The following CFD variants were observed in gnomAD, a reference collection of about 807,000 sequenced individuals.
CFD encodes the protein complement factor D.
In CFD, 24 loss-of-function variants were observed where a neutral mutation model predicts 21.1. The observed-to-expected ratio is 1.14, with a 90% CI of 0.82 to 1.60. The LOEUF is 1.60. CFD is among the 40% of genes most tolerant of loss of function. CFD has a pLI of 0.00. For synonymous variants in CFD, 242 were observed against 175.9 expected, an observed-to-expected ratio of 1.38 and a Z score of -2.97; for missense variants, 535 against 383.3, an observed-to-expected ratio of 1.40 and a Z score of -3.31.
intron 4 of CFD, among the ~76,000 whole-genome samples, 170 bp downstream of exon 4, chr19:862,126 G>T (rs1240616699): frequency 5.3e-5 from 7 of 131,994 alleles, no homozygotes; most frequent in South Asian, 2.4e-4. Flanking sequence ...CGTGGGCGGG[G>T]CCTGTATGAG....
intron 1 of CFD, 104 bp downstream of exon 1, chr19:859,848 G>A: frequency 3.6e-6 from 3 of 823,944 alleles, no homozygotes; most frequent in East Asian, 2.7e-5. Context: ...GGGCAGGAAG[G>A]GGGTGTCTCT....
At position 861,685 on chromosome 19, in the gene CFD, G is replaced by T; in HGVS notation, c.358-14G>T. On this transcript the variant is annotated splice_polypyrimidine_tract_variant and intron_variant, in intron 3 of 4. Coordinates refer to ENST00000327726, the MANE Select transcript of CFD (RefSeq NM_001928.4). ...CCCCCGCACCCCAACCCTGACGTCC[G>T]CCTCCACCCTCAGCTGTCGGAGAAG... The T allele has an allele frequency of 6.3e-7, 1 of 1,591,936 alleles. No homozygotes were observed. Among genetic ancestry groups the T allele is most frequent in the Non-Finnish European group, 8.5e-7 (1 of 1,172,896 alleles).
At position 861,729 on chromosome 19, in the gene CFD, G is replaced by A. The variant is rs1342878871; in HGVS notation, c.388G>A (p.Val130Met). The change falls in exon 4 of 5, where the codon GTG becomes ATG. Residue 130 changes from valine (V) to methionine (M), a missense_variant. Physicochemically the swap from Val to Met is conservative, Grantham distance 21. Coordinates refer to ENST00000327726, the MANE Select transcript of CFD (RefSeq NM_001928.4). ...LSEKATLGPA[V>M]RPLPWQRVDR... ...GGAGAAGGCCACACTGGGCCCTGCT[G>A]TGCGCCCCCTGCCCTGGCAGCGCGT... is the stretch of plus-strand genomic sequence containing the variant. 18 of 1,604,440 alleles carry A rather than the reference G, an allele frequency of 1.1e-5. No individual in the cohort carries two copies. Among genetic ancestry groups the A allele is most frequent in the Non-Finnish European group, 1.5e-5 (18 of 1,177,420 alleles).
At position 863,470 on chromosome 19, in the gene CFD, T is replaced by G; in HGVS notation, c.*232T>G. The stretch of plus-strand genomic sequence containing the variant: ...GCTGGGCAATTGGCGGGCATGGAGG[T>G]GGGTGCTTGTAGTTCCAGCTACTCA... On this transcript the variant is annotated 3_prime_UTR_variant, in exon 5 of 5. Transcript: ENST00000327726. The G allele has an allele frequency of 1.7e-6, 1 of 585,224 alleles. No individual in the cohort carries two copies. The highest frequency in any genetic ancestry group is 3.1e-6 in the Non-Finnish European group (1 of 324,732). 36.3% of individuals were successfully genotyped at this position (585,224 alleles called of 1,614,324 possible).
Position 863,291 on chromosome 19 carries a change from G to T in CFD, c.*53G>T. ...CCCAAGCAACAAAGTCCCGAGCAATGAAGTCATCCACTCCTGCATCTGGTT... is the reference window on the plus strand; with the variant it reads ...CCCAAGCAACAAAGTCCCGAGCAATTAAGTCATCCACTCCTGCATCTGGTT... On this transcript the variant is annotated 3_prime_UTR_variant, in exon 5 of 5. Transcript: ENST00000327726. 1 of 1,538,740 alleles carries T rather than the reference G, an allele frequency of 6.5e-7. No homozygotes were observed. Among genetic ancestry groups the T allele is most frequent in the East Asian group, 2.4e-5 (1 of 41,750 alleles).
In CFD at chr19:861,824, C is replaced by G. The variant is rs1038114018; in HGVS notation, c.483C>G (p.Arg161=). The G allele has an allele frequency of 6.2e-7, 1 of 1,602,106 alleles. No individual in the cohort carries two copies. Residue 161 remains arginine (R), a synonymous_variant, in exon 4 of 5, where the codon CGC becomes CGG. Transcript: ENST00000327726. ...GGGGCATAGTCAACCACGCGGGCCG[C>G]CGCCCGGACAGCCTGCAGCACGTGC... is the stretch of plus-strand genomic sequence containing the variant. ...AGWGIVNHAG[R]RPDSLQHVLL... is the part of the protein sequence containing the mutation.
At position 860,714 on chromosome 19, in the gene CFD, C is replaced by A. The variant is rs1475552802; in HGVS notation, c.153C>A (p.Cys51Ter). The A allele has an allele frequency of 1.7e-5, 26 of 1,561,380 alleles. No individual in the cohort carries two copies. The highest frequency in any genetic ancestry group is 2.2e-5 in the Non-Finnish European group (26 of 1,163,168). ...ASVQLNGAHLCGGVLVAEQWV... is the reference protein window; with the variant it reads ...ASVQLNGAHL ...TGCAGCTGAACGGCGCGCACCTGTG[C>A]GGCGGCGTCCTGGTGGCGGAGCAGT... Residue 51 changes from cysteine (C) to a stop codon, truncating the protein, a stop_gained, in exon 2 of 5, where the codon TGC becomes TGA. Coordinates refer to ENST00000327726, the MANE Select transcript of CFD (RefSeq NM_001928.4). LOFTEE classifies it high-confidence loss of function.
intron 3 of CFD, among the ~76,000 whole-genome samples, chr19:861,253 G>A (rs2035788255): frequency 1.6e-5 from 1 of 60,774 alleles, no homozygotes; most frequent in Non-Finnish European, 3.4e-5. Context: ...TGGGGACCCC[G>A]CCCCACAACC....
chr19:863,080 C>T lies in CFD; in HGVS notation c.616-12C>T, dbSNP rs372735615. ...GCGGGCCGCCCCTCACGGCCCCGTC[C>T]TGTTCCGGCAGGGTGACTCCGGGGG... On this transcript the variant is annotated splice_polypyrimidine_tract_variant and intron_variant, in intron 4 of 4. Coordinates refer to ENST00000327726, the MANE Select transcript of CFD (RefSeq NM_001928.4). The T allele has an allele frequency of 1.3e-6, 2 of 1,518,056 alleles. No homozygotes were observed. The highest frequency in any genetic ancestry group is 1.8e-6 in the Non-Finnish European group (2 of 1,133,626). The allele number at this position is 1,518,056 out of a possible 1,614,324, so 94.0% of individuals were successfully genotyped here.
In CFD at chr19:863,510, G is replaced by A. The variant is rs2095919499; in HGVS notation, c.*272G>A. ...CCAGCTACTCAGGAGGCTGAGGTGG[G>A]AGGATGACTTGAACGCAGGAGGCTG... On this transcript the variant is annotated 3_prime_UTR_variant, in exon 5 of 5. Transcript: ENST00000327726. 1 of 520,374 alleles carries A rather than the reference G, an allele frequency of 1.9e-6. No homozygotes were observed. The allele number at this position is 520,374 out of a possible 1,614,324, so 32.2% of individuals were successfully genotyped here.
chr19:862,037 A>AG, intron 4 of CFD, 81 bp downstream of exon 4: 1 of 1,489,184 alleles, frequency 6.7e-7, no homozygotes, highest in Non-Finnish European at 8.9e-7. Context: ...AGCGGGGGGC[A>AG]AGTAGGAACA....
rs1027096322 is a variant in CFD at position 863,607 on chromosome 19, A to C, written c.*369A>C. ...ACAGAGTGAAACCTTGTCTCTCTCT[A>C]CAAAAAAAAAAAAAAAATTCTGCGT... is the stretch of plus-strand genomic sequence containing the variant. On this transcript the variant is annotated 3_prime_UTR_variant, in exon 5 of 5. Coordinates refer to ENST00000327726, the MANE Select transcript of CFD (RefSeq NM_001928.4). 5.2e-5 allele frequency: 10 copies of C among 194,034 alleles called. No individual in the cohort carries two copies. Among genetic ancestry groups the C allele is most frequent in the Admixed American group, 4.6e-4 (8 of 17,458 alleles). 12.0% of individuals were successfully genotyped at this position (194,034 alleles called of 1,614,324 possible).
At chr19:862,951 T>C (rs966163070) in intron 4 of CFD, 141 bp from the exon 5 acceptor site, 18 of 817,174 alleles carry the variant, frequency 2.2e-5, no homozygotes, top group South Asian at 5.4e-5. Context: ...GGCGCGGGGC[T>C]ATTGACTAGT....
In CFD at chr19:861,896, C is replaced by G; in HGVS notation, c.555C>G (p.His185Gln). The G allele has an allele frequency of 3.2e-6, 5 of 1,582,548 alleles. No individual in the cohort carries two copies. The highest frequency in any genetic ancestry group is 3.4e-6 in the Non-Finnish European group (4 of 1,171,394). ...CCACCTGCAACCGGCGCACGCACCA[C>G]GACGGCGCCATCACCGAGCGCTTGA... The part of the protein sequence containing the change: ...DRATCNRRTH[H>Q]DGAITERLMC... The change falls in exon 4 of 5, where the codon CAC becomes CAG. Residue 185 changes from histidine to glutamine, a missense_variant. His to Gln is a conservative substitution (Grantham distance 24, BLOSUM62 0). Coordinates refer to ENST00000327726, the MANE Select transcript of CFD (RefSeq NM_001928.4).
rs761662800 is a variant in CFD at position 861,932 on chromosome 19, G to A, written c.591G>A (p.Glu197=). 6.4e-7 allele frequency: 1 copy of A among 1,560,168 alleles called. No homozygotes were observed. ...GAITERLMCA[E]SNRRDSCKGD... ...TCACCGAGCGCTTGATGTGCGCGGAGAGCAATCGCCGGGACAGCTGCAAGG... is the reference window on the plus strand; with the variant it reads ...TCACCGAGCGCTTGATGTGCGCGGAAAGCAATCGCCGGGACAGCTGCAAGG... Residue 197 remains glutamate (E), a synonymous_variant, in exon 4 of 5, where the codon GAG becomes GAA. Coordinates refer to ENST00000327726, the MANE Select transcript of CFD (RefSeq NM_001928.4).
At position 860,685 on chromosome 19, in the gene CFD, T is replaced by C; in HGVS notation, c.124T>C (p.Ser42Pro). 6.5e-7 allele frequency: 1 copy of C among 1,542,018 alleles called. No individual in the cohort carries two copies. The highest frequency in any genetic ancestry group is 8.7e-7 in the Non-Finnish European group (1 of 1,154,172). ...GGCGCACGCGCGGCCCTACATGGCG[T>C]CGGTGCAGCTGAACGGCGCGCACCT... Reference protein sequence around the residue: ...AEAHARPYMASVQLNGAHLCG... With the variant: ...AEAHARPYMAPVQLNGAHLCG... The change falls in exon 2 of 5, where the codon TCG becomes CCG. Residue 42 changes from serine to proline, a missense_variant. Ser to Pro is a moderately conservative substitution (Grantham distance 74). Transcript: ENST00000327726.
intron 4 of CFD, 78 bp from the exon 5 acceptor site, chr19:863,008 GAGCGGC>G (rs2035829186): frequency 1.5e-6 from 2 of 1,321,112 alleles, no homozygotes; most frequent in Non-Finnish European, 2.0e-6. Context: ...TGTGGGGCGG[GAGCGGC>G]AGCCAGGTGA....
chr19:861,705 G>A lies in CFD; in HGVS notation c.364G>A (p.Glu122Lys). 6.2e-7 allele frequency: 1 copy of A among 1,601,574 alleles called. No homozygotes were observed. The highest frequency in any genetic ancestry group is 8.5e-7 in the Non-Finnish European group (1 of 1,176,322). The change falls in exon 4 of 5, where the codon GAG becomes AAG. Residue 122 changes from glutamate (E) to lysine (K), a missense_variant. Physicochemically the swap from Glu to Lys is moderately conservative, Grantham distance 56. Coordinates refer to ENST00000327726, the MANE Select transcript of CFD (RefSeq NM_001928.4). ...DHDLLLLQLS[E>K]KATLGPAVRP... ...CGTCCGCCTCCACCCTCAGCTGTCG[G>A]AGAAGGCCACACTGGGCCCTGCTGT... is the stretch of plus-strand genomic sequence containing the variant.
chr19:863,002 G>C, intron 4 of CFD, 90 bp from the exon 5 acceptor site: 1 of 1,267,090 alleles, frequency 7.9e-7, no homozygotes, highest in Non-Finnish European at 1.1e-6. Flanking sequence ...GAGCATTGTG[G>C]GGCGGGAGCG....
Sources: gnomAD v4.1 joint callset for allele counts (sites outside exome capture counted in the v4.1 genomes callset) on GRCh38, gnomAD v4.1.1 for gene constraint, MANE v1.5 for transcripts, NCBI Gene and HGNC (gene_info 2026-07-23, HGNC 2026-07-21) for gene names.